FAM180A: variants seen among roughly 807,000 people sequenced by gnomAD.
FAM180A encodes the protein protein FAM180A.
A neutral mutation model predicts 15.3 loss-of-function variants in FAM180A; 14 were observed. That is an observed-to-expected ratio of 0.92 (90% CI 0.61 to 1.43). The LOEUF (loss-of-function observed/expected upper bound fraction) is 1.43, where lower values mean the gene tolerates loss of function less well. Ranked by LOEUF, FAM180A falls within the 40% of genes most tolerant of loss-of-function variation. FAM180A has a pLI of 0.00. For missense variants in FAM180A, 200 were observed against 220.8 expected (o/e 0.91, Z 0.60); for synonymous variants, 90 against 96.8 (o/e 0.93, Z 0.41).
At chr7:135,746,543 C>CAA (rs749627946) in intron 1 of FAM180A, among the ~76,000 whole-genome samples, 60 of 152,276 alleles carry the variant, frequency 3.9e-4, no homozygotes, top group Non-Finnish European at 8.1e-4. Context: ...CATGATGTGG[C>CAA]TATCGTGTTT....
chr7:135,729,745 A>G lies in FAM180A; in HGVS notation c.*866T>C, dbSNP rs547984967. 12 of 985,410 alleles carry G rather than the reference A, an allele frequency of 1.2e-5. No individual in the cohort carries two copies. In the East Asian group the frequency reaches 1.1e-3, roughly 93 times the overall value. The allele number at this position is 985,410 out of a possible 1,614,324, so 61.0% of individuals were successfully genotyped here. A position where few individuals can be genotyped will look rare whatever the true frequency, so the allele number is the denominator to read the frequency against. On this transcript the variant is annotated 3_prime_UTR_variant, in exon 4 of 4. Coordinates refer to ENST00000338588, the MANE Select transcript of FAM180A (RefSeq NM_205855.4). Reference sequence around the variant, plus strand: ...GGAAGGAAACACTTTTCCAGAATACAATGCTCAAGAAATGTAAGCCAGATC... The same window carrying G: ...GGAAGGAAACACTTTTCCAGAATACGATGCTCAAGAAATGTAAGCCAGATC...
In FAM180A at chr7:135,748,653, C is replaced by G; in HGVS notation, c.-73G>C. ...CCAGTAGCTGCAGGTATGCCCGTGCCGTTCTTCCCAGTGAGATGATGGAGT... is the reference window on the plus strand; with the variant it reads ...CCAGTAGCTGCAGGTATGCCCGTGCGGTTCTTCCCAGTGAGATGATGGAGT... On this transcript the variant is annotated 5_prime_UTR_variant, in exon 1 of 4. Coordinates refer to ENST00000338588, the MANE Select transcript of FAM180A (RefSeq NM_205855.4). 2 of 1,169,836 alleles carry G rather than the reference C, an allele frequency of 1.7e-6. No individual in the cohort carries two copies. The highest frequency in any genetic ancestry group is 2.6e-6 in the Non-Finnish European group (2 of 777,742). The allele number at this position is 1,169,836 out of a possible 1,614,324, so 72.5% of individuals were successfully genotyped here. A position where few individuals can be genotyped will look rare whatever the true frequency, so the allele number is the denominator to read the frequency against.
intron 1 of FAM180A, among the ~76,000 whole-genome samples, chr7:135,739,434 C>A (rs750207138): frequency 1.1e-4 from 17 of 150,924 alleles, no homozygotes; most frequent in Non-Finnish European, 1.8e-4. Context: ...CATGGTGAAA[C>A]CCCATCTCTA....
intron 1 of FAM180A, among the ~76,000 whole-genome samples, chr7:135,742,488 G>A (rs934533754): frequency 2.0e-5 from 3 of 152,146 alleles, no homozygotes; most frequent in Non-Finnish European, 4.4e-5. Context: ...ATGGAAGTTG[G>A]CTGCCCAGGC....
chr7:135,742,483 A>C (rs1796965283), intron 1 of FAM180A, among the ~76,000 whole-genome samples: 1 of 152,194 alleles, frequency 6.6e-6, no homozygotes, highest in African/African-American at 2.4e-5. Context: ...CTTGCATGGA[A>C]GTTGGCTGCC....
intron 1 of FAM180A, among the ~76,000 whole-genome samples, chr7:135,742,541 C>T (rs1289228681): frequency 6.6e-6 from 1 of 152,188 alleles, no homozygotes; most frequent in African/African-American, 2.4e-5. Flanking sequence ...AGCTCCTCCT[C>T]GATTCCCTGG....
chr7:135,734,355 G>T, intron 2 of FAM180A, 36 bp from the exon 3 acceptor site: 1 of 1,548,900 alleles, frequency 6.5e-7, no homozygotes, highest in South Asian at 1.2e-5. Flanking sequence ...AATATGAAGT[G>T]AGGCATTGCT....
At chr7:135,738,302 T>G (rs1796899424) in intron 1 of FAM180A, among the ~76,000 whole-genome samples, 1 of 152,204 alleles carries the variant, frequency 6.6e-6, no homozygotes, top group South Asian at 2.1e-4. Context: ...CAAGTGATTC[T>G]CCTGCCTCAG....
rs376418575 is a variant in FAM180A, at chr7:135,734,050, C to T, written c.447G>A (p.Ala149=). ...CCTGGAAGAGGCTAACGAGGGACTG[C>T]GCCCAGATGTCCTTCTGATGGCCGT... ...LSHGHQKDIW[A]QSLVSLFQAL... Residue 149 remains alanine (A), a synonymous_variant, in exon 3 of 4, where the codon GCG becomes GCA. Coordinates refer to ENST00000338588, the MANE Select transcript of FAM180A (RefSeq NM_205855.4). 16 of 1,614,162 alleles carry T rather than the reference C, an allele frequency of 9.9e-6. No individual in the cohort carries two copies. Among genetic ancestry groups the T allele is most frequent in the East Asian group, 4.5e-5 (2 of 44,882 alleles).
Position 135,748,602 on chromosome 7 carries a change from A to G in FAM180A, c.-22T>C. On this transcript the variant is annotated 5_prime_UTR_variant, in exon 1 of 4. Transcript: ENST00000338588. ...GCATCTTGTCCTTCAAAAGGTGAAA[A>G]ATCGACCCTCAAGCCCAGTGGAACC... The G allele has an allele frequency of 1.2e-6, 2 of 1,608,212 alleles. No homozygotes were observed. Among genetic ancestry groups the G allele is most frequent in the Non-Finnish European group, 1.7e-6 (2 of 1,174,702 alleles).
chr7:135,733,880 T>A lies in FAM180A; in HGVS notation c.*95A>T. 6.9e-7 allele frequency: 1 copy of A among 1,450,062 alleles called. No homozygotes were observed. The highest frequency in any genetic ancestry group is 1.5e-5 in the South Asian group (1 of 67,792). The allele number at this position is 1,450,062 out of a possible 1,614,324, so 89.8% of individuals were successfully genotyped here. A position where few individuals can be genotyped will look rare whatever the true frequency, so the allele number is the denominator to read the frequency against. ...TGCTGCTCTGTGTCAGCGGTAAGAG[T>A]TTTGTTGCTGGTCTCTGTAAATGGA... On this transcript the variant is annotated 3_prime_UTR_variant, in exon 3 of 4. Transcript: ENST00000338588.
chr7:135,739,145 A>G (rs1796910935), intron 1 of FAM180A, among the ~76,000 whole-genome samples: 1 of 151,528 alleles, frequency 6.6e-6, no homozygotes, highest in Admixed American at 6.6e-5. Context: ...CCCCATCTCT[A>G]CTAAAAATAC....
intron 1 of FAM180A, among the ~76,000 whole-genome samples, chr7:135,746,125 G>A (rs533794991): frequency 5.3e-5 from 8 of 152,100 alleles, no homozygotes; most frequent in African/African-American, 1.4e-4. Flanking sequence ...CGTCACATCC[G>A]CTGCCTCATA....
In FAM180A at chr7:135,740,424, C is replaced by T. The variant is rs776417665; in HGVS notation, c.77-3225G>A. ...CTGTGTGGCCGCTCTTTGTTTAGAC[C>T]GGTGGTTCCCAGCCTTGACTAGACA... On this transcript the variant is annotated intron_variant, in intron 1 of 3. Coordinates refer to ENST00000338588, the MANE Select transcript of FAM180A (RefSeq NM_205855.4). Among the ~76,000 whole-genome samples, 16 of 152,260 alleles carry T rather than the reference C, an allele frequency of 1.1e-4. No homozygotes were observed. The South Asian group carries it at 2.3e-3, about 22-fold the overall frequency.
Position 135,729,708 on chromosome 7 carries a change from C to T in FAM180A, c.*903G>A. ...CAGTAGTTCTCCTTCAGAACTCTAC[C>T]CATTTTTCAGAGGAAGGAAACACTT... On this transcript the variant is annotated 3_prime_UTR_variant, in exon 4 of 4. Transcript: ENST00000338588. The T allele has an allele frequency of 1.0e-6, 1 of 985,244 alleles. No homozygotes were observed. The highest frequency in any genetic ancestry group is 1.7e-5 in the African/African-American group (1 of 57,344). 61.0% of individuals were successfully genotyped at this position (985,244 alleles called of 1,614,324 possible). A position where few individuals can be genotyped will look rare whatever the true frequency, so the allele number is the denominator to read the frequency against.
intron 2 of FAM180A, among the ~76,000 whole-genome samples, chr7:135,735,154 C>T (rs888698307): frequency 6.6e-6 from 1 of 152,128 alleles, no homozygotes; most frequent in Non-Finnish European, 1.5e-5. Flanking sequence ...CCACCAGCCT[C>T]GACCTCCCAA....
intron 1 of FAM180A, among the ~76,000 whole-genome samples, chr7:135,738,925 A>G (rs1179063940): frequency 6.6e-6 from 1 of 152,218 alleles, no homozygotes; most frequent in Non-Finnish European, 1.5e-5. Context: ...GTACAGGCAT[A>G]TTTTGCTTAA....
At chr7:135,730,838 C>A (rs1400326167) in intron 3 of FAM180A, among the ~76,000 whole-genome samples, 1 of 152,126 alleles carries the variant, frequency 6.6e-6, no homozygotes, top group Non-Finnish European at 1.5e-5. Flanking sequence ...TCAGTGAAAT[C>A]ATTGTCATAA....
chr7:135,732,637 G>A (rs1315836495), intron 3 of FAM180A, among the ~76,000 whole-genome samples: 4 of 151,622 alleles, frequency 2.6e-5, no homozygotes, highest in South Asian at 2.1e-4. Context: ...ACACTGCAGC[G>A]AGCCGAGATA....
Sources: gnomAD v4.1 joint callset for allele counts (sites outside exome capture counted in the v4.1 genomes callset) on GRCh38, gnomAD v4.1.1 for gene constraint, MANE v1.5 for transcripts, NCBI Gene and HGNC (gene_info 2026-07-23, HGNC 2026-07-21) for gene names.